The following COL26A1 variants were observed in gnomAD, a reference collection of about 807,000 sequenced individuals.
COL26A1 encodes the protein collagen type XXVI alpha 1 chain, also known as collagen alpha-1(XXVI) chain.
Under a neutral mutation model 59.3 loss-of-function variants are expected in COL26A1, and 41 were observed. The observed-to-expected ratio is 0.69, with a 90% confidence interval of 0.54 to 0.90. COL26A1 has a LOEUF of 0.90. COL26A1 is among the 40% of genes least tolerant of loss of function. COL26A1 has a pLI of 0.00. For missense variants in COL26A1, 612 were observed against 602.3 expected, an observed-to-expected ratio of 1.02 and a Z score of -0.17; for synonymous variants, 266 against 256.0, an observed-to-expected ratio of 1.04 and a Z score of -0.37.
intron 5 of COL26A1, among the ~76,000 whole-genome samples, chr7:101,540,303 C>T (rs7809428): frequency 0.33 from 50,244 of 151,966 alleles, 9,017 homozygotes; most frequent in African/African-American, 0.45. Context: ...TTTGGGAGGC[C>T]GAGAAGGGTG....
chr7:101,547,256 C>G lies in COL26A1; in HGVS notation c.940+17C>G. ...GTCCACCAGGTAAGTGAATGGTGGG[C>G]TGGCCTGCATTGAGGACTCCATCCC... On this transcript the variant is annotated intron_variant, in intron 8 of 12. Transcript: ENST00000313669. 3 of 1,549,022 alleles carry G rather than the reference C, an allele frequency of 1.9e-6. No individual in the cohort carries two copies. The highest frequency in any genetic ancestry group is 2.6e-6 in the Non-Finnish European group (3 of 1,141,796).
At chr7:101,494,425 C>T (rs965798678) in intron 3 of COL26A1, among the ~76,000 whole-genome samples, 2 of 152,214 alleles carry the variant, frequency 1.3e-5, no homozygotes, top group African/African-American at 4.8e-5. Context: ...CTGCGCCTGG[C>T]TGTCTATTGC....
intron 3 of COL26A1, among the ~76,000 whole-genome samples, chr7:101,460,279 C>T (rs921185161): frequency 1.8e-4 from 28 of 152,030 alleles, no homozygotes; most frequent in African/African-American, 6.0e-4. Context: ...ATAAGGACTT[C>T]GCTAAAGGTA....
rs541246504 is a variant in COL26A1, at chr7:101,557,742, C to T, written c.*212C>T. On this transcript the variant is annotated 3_prime_UTR_variant, in exon 13 of 13. Coordinates refer to ENST00000313669, the MANE Select transcript of COL26A1 (RefSeq NM_001278563.3). ...TCAGAGCCCTCCTCTGGCCTGTCCC[C>T]TCCCCTACCCCCACTCCCGGCTGGA... is the stretch of plus-strand genomic sequence containing the variant. The T allele has an allele frequency of 8.2e-6, 4 of 486,918 alleles. No individual in the cohort carries two copies. In the South Asian group the frequency reaches 1.9e-4, roughly 23 times the overall value. 30.2% of individuals were successfully genotyped at this position (486,918 alleles called of 1,614,324 possible).
chr7:101,386,047 G>A (rs1416690931), intron 1 of COL26A1, among the ~76,000 whole-genome samples: 1 of 152,148 alleles, frequency 6.6e-6, no homozygotes, highest in African/African-American at 2.4e-5. Flanking sequence ...CAGAGAAATA[G>A]GGGAATAAAA....
At chr7:101,470,214 C>A (rs1425915122) in intron 3 of COL26A1, among the ~76,000 whole-genome samples, 2 of 151,828 alleles carry the variant, frequency 1.3e-5, no homozygotes, top group Non-Finnish European at 2.9e-5. Flanking sequence ...ATTCTACTGC[C>A]TCAGCCTCCT....
chr7:101,537,845 G>A (rs1795512535), intron 4 of COL26A1, among the ~76,000 whole-genome samples: 1 of 151,988 alleles, frequency 6.6e-6, no homozygotes, highest in South Asian at 2.1e-4. Context: ...TCCTCTCATG[G>A]TCCTCTACCT....
intron 3 of COL26A1, among the ~76,000 whole-genome samples, chr7:101,457,461 T>G (rs1793498386): frequency 6.6e-6 from 1 of 152,164 alleles, no homozygotes; most frequent in Admixed American, 6.6e-5. Flanking sequence ...TTTCCTCCCC[T>G]AAACAAGGAA....
intron 1 of COL26A1, among the ~76,000 whole-genome samples, chr7:101,390,679 G>A (rs1791707865): frequency 6.6e-6 from 1 of 152,112 alleles, no homozygotes; most frequent in Non-Finnish European, 1.5e-5. Context: ...CCAGCCTCAG[G>A]CTCTCAAAGC....
intron 4 of COL26A1, among the ~76,000 whole-genome samples, chr7:101,539,345 C>G (rs7804329): frequency 4.2e-5 from 6 of 144,194 alleles, no homozygotes; most frequent in African/African-American, 1.3e-4. Flanking sequence ...CTTTTTTTTT[C>G]TCTCTCTCTC....
chr7:101,422,974 C>G (rs1334269744), intron 2 of COL26A1, among the ~76,000 whole-genome samples: 1 of 152,104 alleles, frequency 6.6e-6, no homozygotes, highest in African/African-American at 2.4e-5. Flanking sequence ...TATCAAAACA[C>G]AATAACGCAG....
chr7:101,451,880 T>A (rs1793348995), intron 3 of COL26A1, among the ~76,000 whole-genome samples: 1 of 152,016 alleles, frequency 6.6e-6, no homozygotes, highest in Non-Finnish European at 1.5e-5. Context: ...ATGTTTTTTG[T>A]ATTTTTAGTA....
intron 2 of COL26A1, among the ~76,000 whole-genome samples, chr7:101,424,250 A>C (rs958003771): frequency 6.6e-6 from 1 of 152,112 alleles, no homozygotes; most frequent in Non-Finnish European, 1.5e-5. Flanking sequence ...ATTCTCTTAG[A>C]GAAATCCCAA....
intron 1 of COL26A1, among the ~76,000 whole-genome samples, chr7:101,364,572 CTTTTTT>C (rs10596691): frequency 6.8e-6 from 1 of 146,202 alleles, no homozygotes; most frequent in Non-Finnish European, 1.5e-5. Flanking sequence ...TGCTTTCTTT[CTTTTTT>C]TTTTTTTTTT....
At chr7:101,523,424 G>T (rs181508781) in intron 3 of COL26A1, among the ~76,000 whole-genome samples, 5 of 152,152 alleles carry the variant, frequency 3.3e-5, no homozygotes, top group Non-Finnish European at 7.4e-5. Context: ...AAATGGTAAT[G>T]CTTCTTGCAT....
At position 101,533,023 on chromosome 7, in the gene COL26A1, G is replaced by C. The variant is rs544674614; in HGVS notation, c.386-59G>C. On this transcript the variant is annotated intron_variant, in intron 3 of 12. Transcript: ENST00000313669. ...TGCCCAGAGGCTATCCTGGTGACTG[G>C]GCTGCTGTCTTCCTAGGGTCTACAC... is the stretch of plus-strand genomic sequence containing the variant. 633 of 1,320,796 alleles carry C rather than the reference G, an allele frequency of 4.8e-4. 4 individuals carry two copies. Among genetic ancestry groups the C allele is most frequent in the Non-Finnish European group, 4.8e-5 (45 of 941,618 alleles). The allele number at this position is 1,320,796 out of a possible 1,614,324, so 81.8% of individuals were successfully genotyped here.
intron 3 of COL26A1, among the ~76,000 whole-genome samples, chr7:101,501,350 G>T (rs1794703916): frequency 6.6e-6 from 1 of 152,120 alleles, no homozygotes; most frequent in African/African-American, 2.4e-5. Context: ...TCGGCCCCAG[G>T]CCTCTTCCAG....
chr7:101,496,144 G>A (rs963243780), intron 3 of COL26A1, among the ~76,000 whole-genome samples: 1 of 152,134 alleles, frequency 6.6e-6, no homozygotes, highest in African/African-American at 2.4e-5. Context: ...AGCAGCCCAC[G>A]TCTCCTGGCA....
At chr7:101,509,971 G>A (rs1183360907) in intron 3 of COL26A1, among the ~76,000 whole-genome samples, 11 of 150,418 alleles carry the variant, frequency 7.3e-5, no homozygotes, top group Non-Finnish European at 1.6e-4. Flanking sequence ...CAGGTGATCT[G>A]CCAATCTCAG....
Sources: gnomAD v4.1 joint callset for allele counts (sites outside exome capture counted in the v4.1 genomes callset) on GRCh38, gnomAD v4.1.1 for gene constraint, MANE v1.5 for transcripts, NCBI Gene and HGNC (gene_info 2026-07-23, HGNC 2026-07-21) for gene names.